RANBP17: variants seen among roughly 807,000 people sequenced by gnomAD.
RANBP17 encodes ran-binding protein 17.
RANBP17 carries 158 observed loss-of-function variants against 141.2 expected under a neutral mutation model. The ratio of observed to expected loss-of-function variants is 1.12; its 90% CI spans 0.98 to 1.28. RANBP17 has a LOEUF of 1.28. RANBP17 is among the 50% of genes most tolerant of loss of function. The probability of loss-of-function intolerance (pLI) is 0.00; values close to 1 mark genes in which losing one functional copy is unlikely to be tolerated. For synonymous variants in RANBP17, 430 were observed against 450.0 expected, an observed-to-expected ratio of 0.96 and a Z score of 0.56; for missense variants, 1,438 against 1,290.7, an observed-to-expected ratio of 1.11 and a Z score of -1.75.
chr5:170,941,939 A>T (rs1374388765), intron 12 of RANBP17, among the ~76,000 whole-genome samples: 1 of 152,168 alleles, frequency 6.6e-6, no homozygotes, highest in Non-Finnish European at 1.5e-5. Flanking sequence ...GGGGTCCCCA[A>T]ACCCCAGGCC....
chr5:171,104,236 C>T (rs1264000351), intron 14 of RANBP17, among the ~76,000 whole-genome samples: 2 of 152,114 alleles, frequency 1.3e-5, no homozygotes, highest in African/African-American at 2.4e-5. Flanking sequence ...AGGATTTCTC[C>T]ATGTTGGTCA....
intron 22 of RANBP17, among the ~76,000 whole-genome samples, chr5:171,239,421 A>G (rs1420982877): frequency 1.3e-5 from 2 of 152,166 alleles, no homozygotes; most frequent in East Asian, 3.8e-4. Flanking sequence ...TAATATATAT[A>G]TGTCAGTCAA....
chr5:171,246,421 C>CAA (rs1765221501), intron 24 of RANBP17, among the ~76,000 whole-genome samples: 2 of 152,198 alleles, frequency 1.3e-5, no homozygotes, highest in Non-Finnish European at 2.9e-5. Flanking sequence ...TAAACTTGAG[C>CAA]AATTGTTTTC....
intron 19 of RANBP17, among the ~76,000 whole-genome samples, chr5:171,201,026 C>T (rs1485592796): frequency 1.3e-5 from 2 of 152,182 alleles, no homozygotes; most frequent in East Asian, 3.8e-4. Flanking sequence ...GCTATTTCTG[C>T]CCTTTATCAA....
chr5:171,188,573 T>G (rs1761420295), intron 18 of RANBP17, among the ~76,000 whole-genome samples: 1 of 152,218 alleles, frequency 6.6e-6, no homozygotes, highest in African/African-American at 2.4e-5. Context: ...AAAAATGCTC[T>G]TTTAATAACA....
At chr5:171,286,313 G>A (rs1323910197) in intron 25 of RANBP17, among the ~76,000 whole-genome samples, 1 of 152,144 alleles carries the variant, frequency 6.6e-6, no homozygotes, top group Non-Finnish European at 1.5e-5. Context: ...AGAACAAGTT[G>A]GCAGGGATCC....
At chr5:170,906,493 CTGA>C (rs1771086158) in intron 5 of RANBP17, among the ~76,000 whole-genome samples, 1 of 151,974 alleles carries the variant, frequency 6.6e-6, no homozygotes, top group Non-Finnish European at 1.5e-5. Context: ...TGTCACATTA[CTGA>C]TGATGTTCAC....
chr5:171,243,546 G>C (rs1472490261), intron 24 of RANBP17, among the ~76,000 whole-genome samples: 1 of 152,158 alleles, frequency 6.6e-6, no homozygotes, highest in East Asian at 1.9e-4. Flanking sequence ...CCTAGAAGTG[G>C]GATTTCTAGG....
At chr5:170,977,593 C>T (rs1230737604) in intron 14 of RANBP17, among the ~76,000 whole-genome samples, 6 of 151,996 alleles carry the variant, frequency 3.9e-5, no homozygotes, top group Non-Finnish European at 5.9e-5. Flanking sequence ...AAAAAATTTG[C>T]ATGTCTATTA....
chr5:171,107,351 C>T (rs573898355), intron 14 of RANBP17, among the ~76,000 whole-genome samples: 3 of 152,296 alleles, frequency 2.0e-5, no homozygotes, highest in Non-Finnish European at 2.9e-5. Flanking sequence ...TTAGTCCCTA[C>T]GACTCTGTTC....
chr5:171,141,026 T>C (rs1221080051), intron 14 of RANBP17, among the ~76,000 whole-genome samples: 1 of 152,228 alleles, frequency 6.6e-6, no homozygotes, highest in Non-Finnish European at 1.5e-5. Context: ...GAGGCCATTC[T>C]GTTCCCATGA....
intron 14 of RANBP17, among the ~76,000 whole-genome samples, chr5:171,018,888 T>C (rs769085340): frequency 1.3e-5 from 2 of 152,162 alleles, no homozygotes; most frequent in Non-Finnish European, 2.9e-5. Flanking sequence ...ACATCGACTG[T>C]GGGTTTGTCA....
In RANBP17 at chr5:171,296,003, G is replaced by A. The variant is rs1768793529; in HGVS notation, c.3159G>A (p.Lys1053=). 1 of 1,613,520 alleles carries A rather than the reference G, an allele frequency of 6.2e-7. No individual in the cohort carries two copies. The highest frequency in any genetic ancestry group is 1.3e-5 in the African/African-American group (1 of 75,032). ...GAGTGGAGCAGAACCTGTCCGTCAAGAACAGAGACAGGTGAGCATTGCCCA... is the reference window on the plus strand; with the variant it reads ...GAGTGGAGCAGAACCTGTCCGTCAAAAACAGAGACAGGTGAGCATTGCCCA... ...MEGVEQNLSV[K]NRDRFTQNLS... is the part of the protein sequence containing the mutation. Residue 1053 remains lysine (K), a synonymous_variant, in exon 27 of 28, where the codon AAG becomes AAA. Coordinates refer to ENST00000523189, the MANE Select transcript of RANBP17 (RefSeq NM_022897.5).
intron 22 of RANBP17, among the ~76,000 whole-genome samples, chr5:171,229,713 C>A (rs972357106): frequency 1.4e-5 from 2 of 140,120 alleles, no homozygotes; most frequent in Non-Finnish European, 3.1e-5. Flanking sequence ...GCTGTTAATA[C>A]GTTTCTGATG....
chr5:170,915,534 T>G (rs1771880776), intron 8 of RANBP17, among the ~76,000 whole-genome samples: 1 of 152,086 alleles, frequency 6.6e-6, no homozygotes, highest in Non-Finnish European at 1.5e-5. Flanking sequence ...TGTTTTTGTT[T>G]TTAATTTGGG....
chr5:171,228,448 T>C (rs1217203530), intron 22 of RANBP17, among the ~76,000 whole-genome samples: 1 of 152,200 alleles, frequency 6.6e-6, no homozygotes, highest in Non-Finnish European at 1.5e-5. Flanking sequence ...GAGGAGTTGC[T>C]TCTTCTGGAT....
intron 22 of RANBP17, among the ~76,000 whole-genome samples, chr5:171,228,695 GCCACAGCCA>G (rs1764023168): frequency 6.6e-6 from 1 of 152,084 alleles, no homozygotes; most frequent in African/African-American, 2.4e-5. Flanking sequence ...TTAAGAAATT[GCCACAGCCA>G]CCTCAACCTT....
intron 5 of RANBP17, among the ~76,000 whole-genome samples, chr5:170,906,161 A>G (rs1033800741): frequency 2.0e-5 from 3 of 152,044 alleles, no homozygotes; most frequent in Admixed American, 2.0e-4. Flanking sequence ...TATTCCCACT[A>G]TCTAATCCTC....
At position 171,252,869 on chromosome 5, in the gene RANBP17, A is replaced by G. The variant is rs189959547; in HGVS notation, c.2776+10049A>G. ...AGTCATGATTTTTGGTTGTTGTTTG[A>G]TGACGACATTGTAGAAAAAATAGAT... On this transcript the variant is annotated intron_variant, in intron 24 of 27. Transcript: ENST00000523189. 6.2e-4 allele frequency: 848 copies of G among 1,367,150 alleles called. 2 individuals carry two copies. The highest frequency in any genetic ancestry group is 5.8e-4 in the South Asian group (50 of 86,098). The allele number at this position is 1,367,150 out of a possible 1,614,324, so 84.7% of individuals were successfully genotyped here. A position where few individuals can be genotyped will look rare whatever the true frequency, so the allele number is the denominator to read the frequency against.
Sources: gnomAD v4.1 joint callset for allele counts (sites outside exome capture counted in the v4.1 genomes callset) on GRCh38, gnomAD v4.1.1 for gene constraint, MANE v1.5 for transcripts, NCBI Gene and HGNC (gene_info 2026-07-23, HGNC 2026-07-21) for gene names.